ECT2: variants seen among roughly 807,000 people sequenced by gnomAD.
ECT2 encodes epithelial cell transforming 2, also known as protein ECT2.
In ECT2, 61 loss-of-function variants were observed where a neutral mutation model predicts 116.9. The observed-to-expected ratio is 0.52, with a 90% CI of 0.42 to 0.65. The LOEUF (loss-of-function observed/expected upper bound fraction) is 0.65, where lower values mean the gene tolerates loss of function less well. Ranked by LOEUF, ECT2 falls within the 30% of genes least tolerant of loss-of-function variation. The pLI is 0.00. For synonymous variants in ECT2, 358 were observed against 346.4 expected, an observed-to-expected ratio of 1.03 and a Z score of -0.37; for missense variants, 937 against 1,078.7, an observed-to-expected ratio of 0.87 and a Z score of 1.84.
At chr3:172,808,612 C>T (rs1728178962) in intron 22 of ECT2, among the ~76,000 whole-genome samples, 3 of 152,144 alleles carry the variant, frequency 2.0e-5, no homozygotes, top group African/African-American at 7.2e-5. Context: ...ATTTCTTCCT[C>T]TCTATATATG....
At chr3:172,825,994 AG>A (rs1387127991), downstream of ECT2, among the ~76,000 whole-genome samples, 17 of 152,324 alleles carry the variant, frequency 1.1e-4, no homozygotes, top group Admixed American at 2.6e-4. Flanking sequence ...CCTGAGTTCA[AG>A]CAATTCCACT....
chr3:172,762,447 A>G lies in ECT2; in HGVS notation c.790A>G (p.Asn264Asp). Reference protein sequence around the residue: ...DFYAAVDDFRNEFKVPPFQDC... With the variant: ...DFYAAVDDFRDEFKVPPFQDC... The stretch of plus-strand genomic sequence containing the variant: ...CTATGCAGCAGTTGATGACTTTAGA[A>G]ATGAATTTAAAGTTCCTCCATTTCA... The change falls in exon 9 of 25, where the codon AAT becomes GAT. Residue 264 changes from asparagine (N) to aspartate (D), a missense_variant. Coordinates refer to ENST00000392692, the MANE Select transcript of ECT2 (RefSeq NM_001258315.2). 6.3e-7 allele frequency: 1 copy of G among 1,596,586 alleles called. No individual in the cohort carries two copies. Among genetic ancestry groups the G allele is most frequent in the Non-Finnish European group, 8.5e-7 (1 of 1,176,254 alleles).
chr3:172,825,347 A>G (rs1490674647), downstream of ECT2, among the ~76,000 whole-genome samples: 4 of 152,036 alleles, frequency 2.6e-5, no homozygotes, highest in Non-Finnish European at 5.9e-5. Flanking sequence ...TTAATAATTA[A>G]TCCTACAATG....
intron 4 of ECT2, among the ~76,000 whole-genome samples, chr3:172,756,290 TAAAAA>T (rs201546235): frequency 6.6e-6 from 1 of 152,066 alleles, no homozygotes; most frequent in African/African-American, 2.4e-5. Flanking sequence ...CATTTTGAGT[TAAAAA>T]AAAATTTTTT....
chr3:172,824,206 C>T (rs2109464414), downstream of ECT2, among the ~76,000 whole-genome samples: 1 of 152,316 alleles, frequency 6.6e-6, no homozygotes, highest in Non-Finnish European at 1.5e-5. Flanking sequence ...TCTTGCACTG[C>T]TATAAATACC....
chr3:172,805,740 A>G lies in ECT2; in HGVS notation c.2116A>G (p.Lys706Glu), dbSNP rs1444104355. ...LFNDCLEIAR[K>E]RHKVIGTFRS... is the part of the protein sequence containing the mutation. ...TATTTTCTATAATCAGATAGCAAGAAAACGGCACAAGGTTATTGGCACTTT... is the reference window on the plus strand; with the variant it reads ...TATTTTCTATAATCAGATAGCAAGAGAACGGCACAAGGTTATTGGCACTTT... The change falls in exon 21 of 25, where the codon AAA becomes GAA. Residue 706 changes from lysine to glutamate, a missense_variant. Coordinates refer to ENST00000392692, the MANE Select transcript of ECT2 (RefSeq NM_001258315.2). 3 of 1,613,306 alleles carry G rather than the reference A, an allele frequency of 1.9e-6. No individual in the cohort carries two copies. The South Asian group carries it at 3.3e-5, about 18-fold the overall frequency.
chr3:172,751,727 A>G (rs895466896), intron 1 of ECT2, among the ~76,000 whole-genome samples: 2 of 149,814 alleles, frequency 1.3e-5, no homozygotes, highest in Non-Finnish European at 2.9e-5. Context: ...AAAAGGGGGC[A>G]TGTGTTATAG....
chr3:172,755,861 A>C (rs1189879499), intron 4 of ECT2, among the ~76,000 whole-genome samples: 1 of 152,204 alleles, frequency 6.6e-6, no homozygotes, highest in African/African-American at 2.4e-5. Flanking sequence ...CAGCTGTTTT[A>C]GTTTGCTAGG....
chr3:172,781,759 CT>C (rs1284373961), intron 14 of ECT2, among the ~76,000 whole-genome samples: 4 of 152,102 alleles, frequency 2.6e-5, no homozygotes, highest in African/African-American at 7.2e-5. Flanking sequence ...TACTGACCCC[CT>C]GTTAGAGATT....
chr3:172,770,540 A>G (rs920057532), intron 13 of ECT2, among the ~76,000 whole-genome samples: 1 of 152,070 alleles, frequency 6.6e-6, no homozygotes, highest in Admixed American at 6.6e-5. Context: ...GGGTCTTGCT[A>G]TGTTGCCCAG....
intron 16 of ECT2, among the ~76,000 whole-genome samples, chr3:172,784,335 A>G (rs942541348): frequency 2.6e-5 from 4 of 151,986 alleles, no homozygotes; most frequent in African/African-American, 9.7e-5. Context: ...ACACCTAATG[A>G]TTTTCCAGTG....
At chr3:172,760,461 A>T (rs11926176) in intron 7 of ECT2, among the ~76,000 whole-genome samples, 198 bp downstream of exon 7, 9,247 of 151,158 alleles carry the variant, frequency 0.061, 946 homozygotes, top group African/African-American at 0.21. Flanking sequence ...CTTTTTTTTT[A>T]AATAGAGATG....
chr3:172,819,788 GA>G (rs1300806415), intron 24 of ECT2, among the ~76,000 whole-genome samples: 1 of 152,014 alleles, frequency 6.6e-6, no homozygotes, highest in African/African-American at 2.4e-5. Context: ...GAACTAAGAA[GA>G]AACCTTGTTT....
chr3:172,763,378 G>C (rs1718714735), intron 11 of ECT2, among the ~76,000 whole-genome samples: 1 of 152,184 alleles, frequency 6.6e-6, no homozygotes, highest in African/African-American at 2.4e-5. Flanking sequence ...CAACTTACTA[G>C]GCCAACTAGG....
intron 1 of ECT2, 142 bp downstream of exon 1, chr3:172,750,999 A>T (rs531285537): frequency 6.6e-6 from 1 of 151,136 alleles, no homozygotes; most frequent in South Asian, 2.1e-4. Context: ...GGATCCGGGA[A>T]CTCCCTCGCC....
At chr3:172,803,577 G>T (rs1420947694) in intron 20 of ECT2, among the ~76,000 whole-genome samples, 1 of 152,028 alleles carries the variant, frequency 6.6e-6, no homozygotes, top group Non-Finnish European at 1.5e-5. Context: ...CCTCTAATAT[G>T]TATTTTTAAA....
rs34623300 is a variant in ECT2 at position 172,762,707 on chromosome 3, G to C, written c.906G>C (p.Pro302=). Residue 302 remains proline, a synonymous_variant, in exon 10 of 25, where the codon CCG becomes CCC. Transcript: ENST00000392692. ...MTEMQGGKYL[P]LGDERCTHLV... ...CCTTTTTAGGAGGTAAATATTTACC[G>C]CTTGGAGATGAAAGATGCACTCACC... 10 of 1,610,632 alleles carry C rather than the reference G, an allele frequency of 6.2e-6. No individual in the cohort carries two copies. The African/African-American group carries it at 1.2e-4, about 19-fold the overall frequency.
At chr3:172,802,779 C>T in intron 19 of ECT2, 82 bp from the exon 20 acceptor site, 1 of 1,510,906 alleles carries the variant, frequency 6.6e-7, no homozygotes, top group South Asian at 1.2e-5. Context: ...AATATCTTGG[C>T]ACTACTTTCT....
At chr3:172,821,581 C>T (rs1217280510), downstream of ECT2, 5 of 151,802 alleles carry the variant, frequency 3.3e-5, no homozygotes, top group East Asian at 9.6e-4. Flanking sequence ...CTTGTTTATT[C>T]CTTCCTCCAG....
Sources: allele counts gnomAD v4.1 joint callset (sites outside exome capture counted in the v4.1 genomes callset), GRCh38; gene constraint gnomAD v4.1.1; transcripts MANE v1.5; gene names NCBI Gene and HGNC (gene_info 2026-07-23, HGNC 2026-07-21).